RBKS: variants seen among roughly 807,000 people sequenced by gnomAD.
The protein encoded by RBKS is ribokinase.
A neutral mutation model predicts 33.9 loss-of-function variants in RBKS; 33 were observed. The observed-to-expected ratio is 0.97, with a 90% CI of 0.74 to 1.30. The LOEUF is 1.30. Among genes scored for constraint, RBKS ranks in the 50% most tolerant of loss-of-function variants. The pLI is 0.00. For missense variants in RBKS, 361 were observed against 392.6 expected, an observed-to-expected ratio of 0.92 and a Z score of 0.68; for synonymous variants, 125 against 143.0, an observed-to-expected ratio of 0.87 and a Z score of 0.90.
At chr2:27,831,983 A>G (rs1482644932) in intron 6 of RBKS, among the ~76,000 whole-genome samples, 1 of 152,180 alleles carries the variant, frequency 6.6e-6, no homozygotes, top group Non-Finnish European at 1.5e-5. Flanking sequence ...GCCTTTACTA[A>G]CGTGTATACC....
intron 7 of RBKS, among the ~76,000 whole-genome samples, chr2:27,809,265 G>A (rs914946227): frequency 1.3e-5 from 2 of 152,252 alleles, no homozygotes; most frequent in Non-Finnish European, 2.9e-5. Flanking sequence ...TCAGGGGCAG[G>A]TGCTGCTCCC....
intron 5 of RBKS, among the ~76,000 whole-genome samples, chr2:27,835,339 A>G (rs777242258): frequency 4.6e-5 from 7 of 152,014 alleles, no homozygotes; most frequent in Non-Finnish European, 7.4e-5. Context: ...ACAGCTGTTA[A>G]AAAGAGTAAA....
chr2:27,869,031 A>C (rs1664153700), intron 1 of RBKS, among the ~76,000 whole-genome samples: 2 of 152,208 alleles, frequency 1.3e-5, no homozygotes, highest in South Asian at 4.1e-4. Flanking sequence ...TATTTCACAG[A>C]TAAGGAGAAT....
intron 1 of RBKS, among the ~76,000 whole-genome samples, chr2:27,884,439 G>A (rs1006852801): frequency 7.2e-5 from 11 of 152,042 alleles, no homozygotes; most frequent in Non-Finnish European, 1.6e-4. Flanking sequence ...CGGAGACCGG[G>A]TTTTGCCATG....
chr2:27,818,138 A>G (rs889465410), intron 7 of RBKS, among the ~76,000 whole-genome samples: 2 of 152,146 alleles, frequency 1.3e-5, no homozygotes, highest in African/African-American at 4.8e-5. Flanking sequence ...CTGGTACCTA[A>G]ATGATCCATA....
Position 27,858,489 on chromosome 2 carries a change from G to A in RBKS, c.172C>T (p.Gln58Ter), listed in dbSNP as rs770730171. ...FIGFGGKGANQCVQAARLGAM... is the reference protein window; with the variant it reads ...FIGFGGKGAN ...CCAAGCCGAGCAGCTTGGACACACT[G>A]GTTGGCACCTTTCCCTCCAAAGCCA... Residue 58 changes from glutamine (Q) to a stop codon, truncating the protein, a stop_gained, in exon 2 of 8, where the codon CAG (glutamine) becomes TAG (stop). Transcript: ENST00000302188. LOFTEE classifies it high-confidence loss of function. 5.6e-6 allele frequency: 9 copies of A among 1,613,920 alleles called. No individual in the cohort carries two copies. The highest frequency in any genetic ancestry group is 2.2e-5 in the East Asian group (1 of 44,884).
intron 7 of RBKS, among the ~76,000 whole-genome samples, chr2:27,816,341 T>C (rs1202789713): frequency 6.6e-6 from 1 of 152,234 alleles, no homozygotes; most frequent in Non-Finnish European, 1.5e-5. Flanking sequence ...GCCTTGTCTA[T>C]CCATCTCTTC....
chr2:27,866,532 T>C (rs1003706608), intron 1 of RBKS, among the ~76,000 whole-genome samples: 1 of 152,186 alleles, frequency 6.6e-6, no homozygotes, highest in Non-Finnish European at 1.5e-5. Context: ...TAGACTCCAG[T>C]GACATATATG....
In RBKS at chr2:27,843,231, C is replaced by T. The variant is rs896964124; in HGVS notation, c.350G>A (p.Gly117Asp). Residue 117 changes from glycine to aspartate, a missense_variant and splice_region_variant, in exon 5 of 8, where the codon GGC becomes GAC. Transcript: ENST00000302188. ...GTASIIVNNE[G>D]QNIIVIVAGA... ...AGCCACTATGACAATGATATTCTGGCCTATAAAGAAATTCCACCTATTATA... is the reference window on the plus strand; with the variant it reads ...AGCCACTATGACAATGATATTCTGGTCTATAAAGAAATTCCACCTATTATA... 6 of 1,597,102 alleles carry T rather than the reference C, an allele frequency of 3.8e-6. No homozygotes were observed. The highest frequency in any genetic ancestry group is 5.1e-6 in the Non-Finnish European group (6 of 1,172,078).
chr2:27,808,903 C>T (rs1677940004), intron 7 of RBKS, among the ~76,000 whole-genome samples: 1 of 152,210 alleles, frequency 6.6e-6, no homozygotes, highest in East Asian at 1.9e-4. Flanking sequence ...TCTCTGAAAA[C>T]TCTTCCATTT....
chr2:27,815,797 C>G (rs1678080993), intron 7 of RBKS, among the ~76,000 whole-genome samples: 1 of 152,184 alleles, frequency 6.6e-6, no homozygotes, highest in Non-Finnish European at 1.5e-5. Context: ...ATACAATGCC[C>G]TCTCACTGGG....
chr2:27,864,759 A>G (rs1296046862), intron 1 of RBKS, among the ~76,000 whole-genome samples: 1 of 152,224 alleles, frequency 6.6e-6, no homozygotes, highest in Non-Finnish European at 1.5e-5. Flanking sequence ...GTTACATGAT[A>G]AGAATAACTC....
Position 27,795,216 on chromosome 2 carries a change from GC to G in RBKS, c.796-13429del, listed in dbSNP as rs1677643626. ...CTTGCTGATGGACCGTCTCTCAGTT[GC>G]CCCAGTCTCCACCTTCTCACCAGAT... is the stretch of plus-strand genomic sequence containing the variant. On this transcript the variant is annotated intron_variant, in intron 7 of 7. Coordinates refer to ENST00000302188, the MANE Select transcript of RBKS (RefSeq NM_022128.3). This position sits in a 1 kb window ranked among gnomAD's most constrained non-coding sequence, Gnocchi z 4.1. Among the ~76,000 whole-genome samples the G allele has an allele frequency of 6.6e-6, 1 of 152,106 alleles. No homozygotes were observed. Among genetic ancestry groups the G allele is most frequent in the Non-Finnish European group, 1.5e-5 (1 of 68,022 alleles).
At chr2:27,880,649 T>C (rs1002570141) in intron 1 of RBKS, among the ~76,000 whole-genome samples, 3 of 152,066 alleles carry the variant, frequency 2.0e-5, no homozygotes, top group Non-Finnish European at 4.4e-5. Flanking sequence ...ATTAAGAACA[T>C]AATCCCATCC....
intron 6 of RBKS, among the ~76,000 whole-genome samples, chr2:27,830,700 C>T (rs1678400988): frequency 6.6e-6 from 1 of 152,140 alleles, no homozygotes; most frequent in Non-Finnish European, 1.5e-5. Flanking sequence ...TACAGTGTAG[C>T]AGATGTTATT....
At chr2:27,829,004 T>C (rs974861498) in intron 6 of RBKS, among the ~76,000 whole-genome samples, 1 of 152,222 alleles carries the variant, frequency 6.6e-6, no homozygotes, top group Non-Finnish European at 1.5e-5. Flanking sequence ...GCAATCCTTT[T>C]GCCTCAGCCT....
chr2:27,799,323 T>G (rs1244847246), intron 7 of RBKS, among the ~76,000 whole-genome samples: 1 of 152,178 alleles, frequency 6.6e-6, no homozygotes. Flanking sequence ...ATGACGTCAC[T>G]ACCAAGCTTC....
At chr2:27,854,987 T>C (rs1468425409) in intron 2 of RBKS, among the ~76,000 whole-genome samples, 2 of 152,268 alleles carry the variant, frequency 1.3e-5, no homozygotes, top group East Asian at 3.9e-4. Context: ...TTCATAATAC[T>C]TTATTGTATG....
intron 1 of RBKS, among the ~76,000 whole-genome samples, chr2:27,883,995 T>C (rs2148233505): frequency 6.6e-6 from 1 of 152,368 alleles, no homozygotes; most frequent in Admixed American, 6.5e-5. Flanking sequence ...TGGTAACTGA[T>C]AAGCAACTTT....
Sources: allele counts gnomAD v4.1 joint callset (sites outside exome capture counted in the v4.1 genomes callset), GRCh38; gene constraint gnomAD v4.1.1; non-coding constraint Gnocchi (gnomAD v3.1); transcripts MANE v1.5; gene names NCBI Gene and HGNC (gene_info 2026-07-23, HGNC 2026-07-21).